The following SLC39A14 variants were observed in gnomAD, a reference collection of about 807,000 sequenced individuals.
The protein encoded by SLC39A14 is metal cation symporter ZIP14.
Under a neutral mutation model 45.5 loss-of-function variants are expected in SLC39A14, and 19 were observed. That is an observed-to-expected ratio of 0.42 (90% confidence interval 0.29 to 0.61). The LOEUF is 0.61. SLC39A14 is among the 20% of genes least tolerant of loss of function. The pLI is 0.22. For missense variants in SLC39A14, 447 were observed against 616.5 expected (o/e 0.73, Z 2.91); for synonymous variants, 264 against 251.3 (o/e 1.05, Z -0.48).
intron 1 of SLC39A14, among the ~76,000 whole-genome samples, chr8:22,383,084 G>T (rs780645437): frequency 6.6e-6 from 1 of 152,118 alleles, no homozygotes; most frequent in African/African-American, 2.4e-5. Flanking sequence ...TGGCTTTGGT[G>T]GAAAGCTGGG....
In SLC39A14 at chr8:22,376,463, G is replaced by A. The variant is rs1009346574; in HGVS notation, c.-16+9055G>A. Among the ~76,000 whole-genome samples the A allele has an allele frequency of 1.5e-3, 220 of 151,568 alleles. 1 individual carries two copies. Among genetic ancestry groups the A allele is most frequent in the African/African-American group, 5.0e-3 (206 of 41,316 alleles). On this transcript the variant is annotated intron_variant, in intron 1 of 8. Transcript: ENST00000381237. ...CTCCCAAAGTGTTGGGATTATAGGC[G>A]TGAGCCACTGCACTCGGCCATGTTG...
chr8:22,414,995 T>C, intron 5 of SLC39A14, 93 bp downstream of exon 5: 1 of 1,385,782 alleles, frequency 7.2e-7, no homozygotes, highest in Non-Finnish European at 9.9e-7. Flanking sequence ...GTGATGGTCT[T>C]AGCCCAATAT....
intron 1 of SLC39A14, among the ~76,000 whole-genome samples, chr8:22,369,961 G>A (rs1209290107): frequency 6.6e-6 from 1 of 152,170 alleles, no homozygotes; most frequent in African/African-American, 2.4e-5. Context: ...TGGGAAGGCC[G>A]CTTTTCTGTG....
intron 1 of SLC39A14, among the ~76,000 whole-genome samples, chr8:22,391,759 G>A (rs1416341841): frequency 6.6e-6 from 1 of 152,084 alleles, no homozygotes; most frequent in Admixed American, 6.6e-5. Flanking sequence ...TAGTAGAGAC[G>A]GGGTTTCACC....
chr8:22,382,102 A>G (rs1833545427), intron 1 of SLC39A14, among the ~76,000 whole-genome samples: 1 of 152,126 alleles, frequency 6.6e-6, no homozygotes, highest in African/African-American at 2.4e-5. Flanking sequence ...AGATCATGCT[A>G]CTGCACTCCA....
Position 22,412,212 on chromosome 8 carries a change from G to A in SLC39A14, c.627+6G>A. The A allele has an allele frequency of 6.4e-7, 1 of 1,551,304 alleles. No homozygotes were observed. Among genetic ancestry groups the A allele is most frequent in the Non-Finnish European group, 8.7e-7 (1 of 1,146,838 alleles). ...TCTTCCAGCTCATCCCGGAGGTATG[G>A]CAAGCCAGGGCCTTCACCCCGGAGC... On this transcript the variant is annotated splice_donor_region_variant and intron_variant, in intron 4 of 8. Transcript: ENST00000381237.
At chr8:22,384,053 C>T (rs1833653987) in intron 1 of SLC39A14, among the ~76,000 whole-genome samples, 2 of 152,166 alleles carry the variant, frequency 1.3e-5, no homozygotes, top group Non-Finnish European at 2.9e-5. Context: ...ACCCAGCAGA[C>T]GCTCTGTGGT....
At position 22,422,298 on chromosome 8, in the gene SLC39A14, C is replaced by T. The variant is rs1836271716; in HGVS notation, c.*2600C>T. The T allele has an allele frequency of 1.0e-6, 1 of 985,608 alleles. No homozygotes were observed. The highest frequency in any genetic ancestry group is 1.2e-6 in the Non-Finnish European group (1 of 829,958). The allele number at this position is 985,608 out of a possible 1,614,324, so 61.1% of individuals were successfully genotyped here. ...CTGCTCCTTCTCACTTCACCACCGG[C>T]ACACAGCTTGCCCCTGTCTTTGCCC... On this transcript the variant is annotated 3_prime_UTR_variant, in exon 9 of 9. Transcript: ENST00000381237.
At chr8:22,368,514 TTATTTTATTTTATTTTATTTTATTG>T (rs201303730) in intron 1 of SLC39A14, among the ~76,000 whole-genome samples, 49,068 of 121,794 alleles carry the variant, frequency 0.4, 9,096 homozygotes, top group East Asian at 0.69. Flanking sequence ...TTATTTTATT[TTATTTTATTTTATTTTATTTTATTG>T]TATTTTATTT....
intron 1 of SLC39A14, among the ~76,000 whole-genome samples, chr8:22,373,261 CAAAA>C (rs11332395): frequency 7.9e-6 from 1 of 127,360 alleles, no homozygotes. Context: ...GACTCCATCT[CAAAA>C]AAAAAAAAAA....
intron 1 of SLC39A14, among the ~76,000 whole-genome samples, chr8:22,401,536 TC>T (rs1834853463): frequency 7.3e-6 from 1 of 137,694 alleles, no homozygotes; most frequent in Non-Finnish European, 1.5e-5. Context: ...CTCTTTCTCT[TC>T]TCTTTCTTTT....
At chr8:22,407,907 C>T (rs998321726) in intron 2 of SLC39A14, among the ~76,000 whole-genome samples, 1 of 151,736 alleles carries the variant, frequency 6.6e-6, no homozygotes, top group African/African-American at 2.4e-5. Flanking sequence ...GAAGGGGTCT[C>T]ATGTTGCCCA....
chr8:22,374,994 C>A (rs1416215589), intron 1 of SLC39A14, among the ~76,000 whole-genome samples: 1 of 151,880 alleles, frequency 6.6e-6, no homozygotes, highest in African/African-American at 2.4e-5. Flanking sequence ...GATCCACCCG[C>A]CTTGGCCTCC....
At chr8:22,426,489 A>G (rs6558056), downstream of SLC39A14, among the ~76,000 whole-genome samples, 89,938 of 152,140 alleles carry the variant, frequency 0.59, 28,427 homozygotes, top group African/African-American at 0.83. Flanking sequence ...CATTGCACCC[A>G]GACTCTCTAG....
At chr8:22,428,651 C>G (rs551980109) in intron 8 of SLC39A14, among the ~76,000 whole-genome samples, 10 of 151,838 alleles carry the variant, frequency 6.6e-5, no homozygotes, top group African/African-American at 2.4e-4. Flanking sequence ...CCATGTTGGC[C>G]AGGCTGGTCT....
downstream of SLC39A14, among the ~76,000 whole-genome samples, chr8:22,425,169 G>A (rs1303881266): frequency 6.6e-6 from 1 of 151,960 alleles, no homozygotes; most frequent in East Asian, 1.9e-4. Context: ...TTATTACTCG[G>A]TCCACCTTAA....
Position 22,416,040 on chromosome 8 carries a change from C to T in SLC39A14, c.940-33C>T, listed in dbSNP as rs369810711. ...TGAGGGCACATGGTCCAGCCTTTGA[C>T]GCTGTGGGCCCTGGGGGTGTGCTTT... is the stretch of plus-strand genomic sequence containing the variant. On this transcript the variant is annotated intron_variant, in intron 6 of 8. Transcript: ENST00000381237. 169 of 1,611,528 alleles carry T rather than the reference C, an allele frequency of 1.0e-4. No homozygotes were observed. The African/African-American group carries it at 1.8e-3, about 17-fold the overall frequency.
chr8:22,371,834 TC>T (rs1292528698), intron 1 of SLC39A14, among the ~76,000 whole-genome samples: 2 of 150,588 alleles, frequency 1.3e-5, no homozygotes, highest in African/African-American at 4.9e-5. Flanking sequence ...AAACTCTGCC[TC>T]CCGGGTTCAA....
At chr8:22,380,827 C>A (rs1833465718) in intron 1 of SLC39A14, among the ~76,000 whole-genome samples, 1 of 151,972 alleles carries the variant, frequency 6.6e-6, no homozygotes, top group East Asian at 1.9e-4. Context: ...CAGGCATGTA[C>A]CACCATGCCA....
Sources: gnomAD v4.1 joint callset for allele counts (sites outside exome capture counted in the v4.1 genomes callset) on GRCh38, gnomAD v4.1.1 for gene constraint, MANE v1.5 for transcripts, NCBI Gene and HGNC (gene_info 2026-07-23, HGNC 2026-07-21) for gene names.